Variants in SPAG16 observed in about 807,000 individuals in gnomAD.
The protein encoded by SPAG16 is sperm associated antigen 16.
A neutral mutation model predicts 80.4 loss-of-function variants in SPAG16; 86 were observed. The ratio of observed to expected loss-of-function variants is 1.07; its 90% CI spans 0.90 to 1.28. The LOEUF is 1.28. Among genes scored for constraint, SPAG16 ranks in the 50% most tolerant of loss-of-function variants. The pLI is 0.00. For synonymous variants in SPAG16, 294 were observed against 265.9 expected, an observed-to-expected ratio of 1.11 and a Z score of -1.03; for missense variants, 870 against 765.3, an observed-to-expected ratio of 1.14 and a Z score of -1.61.
chr2:214,062,715 C>T (rs186089459), intron 13 of SPAG16, among the ~76,000 whole-genome samples: 15 of 137,416 alleles, frequency 1.1e-4, no homozygotes, highest in East Asian at 6.1e-4. Context: ...AGTTTAATCT[C>T]GACATGGTAA....
At chr2:213,678,107 A>G (rs1415012898) in intron 10 of SPAG16, among the ~76,000 whole-genome samples, 3 of 152,158 alleles carry the variant, frequency 2.0e-5, no homozygotes, top group East Asian at 3.9e-4. Context: ...TCTCTGGGAC[A>G]CATTCAAAGC....
intron 15 of SPAG16, among the ~76,000 whole-genome samples, chr2:214,280,183 C>A (rs909157189): frequency 3.3e-5 from 5 of 152,020 alleles, no homozygotes; most frequent in African/African-American, 1.2e-4. Flanking sequence ...TGAAATCAGA[C>A]AATGTAATTC....
rs1479140859 is a variant in SPAG16 at position 213,402,761 on chromosome 2, A to C, written c.942+27642A>C. On this transcript the variant is annotated intron_variant, in intron 9 of 15. Transcript: ENST00000331683. ...TCCCTACAGAGGACATGAACTCATC[A>C]TTTTTTATGGCTGCATAGTATTCCA... is the stretch of plus-strand genomic sequence containing the variant. Among the ~76,000 whole-genome samples, 9 of 152,226 alleles carry C rather than the reference A, an allele frequency of 5.9e-5. No homozygotes were observed. In the South Asian group the frequency reaches 1.5e-3, roughly 25 times the overall value.
chr2:213,605,481 T>C (rs1280346443), intron 10 of SPAG16, among the ~76,000 whole-genome samples: 2 of 151,970 alleles, frequency 1.3e-5, no homozygotes, highest in South Asian at 4.1e-4. Context: ...CAAGACCCCA[T>C]CTTTACAAAA....
chr2:214,305,968 G>A (rs1256413668), intron 15 of SPAG16, among the ~76,000 whole-genome samples: 1 of 152,070 alleles, frequency 6.6e-6, no homozygotes, highest in Admixed American at 6.5e-5. Flanking sequence ...GCTTTGGGCA[G>A]TATGACCATT....
intron 10 of SPAG16, among the ~76,000 whole-genome samples, chr2:213,582,439 T>C (rs2060328082): frequency 6.6e-6 from 1 of 152,128 alleles, no homozygotes; most frequent in Admixed American, 6.6e-5. Flanking sequence ...GCTTTAGCCA[T>C]GAAACATGAG....
chr2:213,334,622 A>G (rs918438890), intron 5 of SPAG16, among the ~76,000 whole-genome samples: 1 of 152,218 alleles, frequency 6.6e-6, no homozygotes, highest in Admixed American at 6.5e-5. Flanking sequence ...GAACTGTTCA[A>G]CCGTAAAAAT....
chr2:214,146,919 G>A (rs1343168713), intron 14 of SPAG16, among the ~76,000 whole-genome samples: 4 of 151,470 alleles, frequency 2.6e-5, no homozygotes, highest in East Asian at 1.9e-4. Flanking sequence ...GGAGAATGGC[G>A]TTAACCCGGG....
chr2:214,171,486 A>G (rs896557694), intron 15 of SPAG16, among the ~76,000 whole-genome samples: 3 of 152,050 alleles, frequency 2.0e-5, no homozygotes, highest in Non-Finnish European at 2.9e-5. Context: ...CACAGAAAAC[A>G]TTTATTGAGG....
chr2:214,178,739 T>A (rs1297815302), intron 15 of SPAG16, among the ~76,000 whole-genome samples: 2 of 151,442 alleles, frequency 1.3e-5, no homozygotes, highest in Non-Finnish European at 3.0e-5. Flanking sequence ...TATTTCTAAT[T>A]TCTATTACCC....
At chr2:213,502,356 C>G (rs2074777980) in intron 10 of SPAG16, among the ~76,000 whole-genome samples, 1 of 152,136 alleles carries the variant, frequency 6.6e-6, no homozygotes, top group Admixed American at 6.6e-5. Flanking sequence ...TTCCTGGGCT[C>G]AAGCGATTCT....
At chr2:214,183,675 C>T (rs1165141845) in intron 15 of SPAG16, among the ~76,000 whole-genome samples, 1 of 152,014 alleles carries the variant, frequency 6.6e-6, no homozygotes, top group African/African-American at 2.4e-5. Flanking sequence ...TAGGTCAGCC[C>T]TATCACTCCT....
intron 15 of SPAG16, among the ~76,000 whole-genome samples, chr2:214,211,992 T>C (rs2058306908): frequency 6.6e-6 from 1 of 152,170 alleles, no homozygotes; most frequent in Non-Finnish European, 1.5e-5. Flanking sequence ...TATTTGGTCT[T>C]CCACTTCATT....
intron 14 of SPAG16, among the ~76,000 whole-genome samples, chr2:214,140,933 T>TGGGGGGGG (rs56893647): frequency 3.4e-5 from 2 of 59,256 alleles, no homozygotes; most frequent in Admixed American, 2.2e-4. Context: ...ATCCCATTGG[T>TGGGGGGGG]GGGGGGGGGG....
At chr2:213,390,437 A>G (rs761225512) in intron 9 of SPAG16, among the ~76,000 whole-genome samples, 2 of 152,212 alleles carry the variant, frequency 1.3e-5, no homozygotes, top group Non-Finnish European at 2.9e-5. Context: ...TTAAAGAAAG[A>G]TCATTTCCAT....
rs2074018966 is a variant in SPAG16 at position 213,835,385 on chromosome 2, A to C, written c.1071-27100A>C. On this transcript the variant is annotated intron_variant, in intron 10 of 15. Transcript: ENST00000331683. ...AATAAATGTTAAATCACAATCCCAC[A>C]CTGCGAGCTTGTCTCATAATTATTC... 2.6e-5 allele frequency among the ~76,000 whole-genome samples: 4 copies of C among 152,172 alleles called. No individual in the cohort carries two copies. The South Asian group carries it at 8.3e-4, about 32-fold the overall frequency.
chr2:213,629,589 A>G (rs1003850822), intron 10 of SPAG16, among the ~76,000 whole-genome samples: 5 of 152,214 alleles, frequency 3.3e-5, no homozygotes, highest in South Asian at 2.1e-4. Context: ...AGGAATGAGT[A>G]CAATTTGCAC....
At chr2:213,891,123 T>G (rs898155831) in intron 11 of SPAG16, among the ~76,000 whole-genome samples, 10 of 152,092 alleles carry the variant, frequency 6.6e-5, no homozygotes, top group Non-Finnish European at 1.2e-4. Flanking sequence ...GAATATACAT[T>G]AAAAAGCATA....
At chr2:214,201,329 A>G (rs1470989798) in intron 15 of SPAG16, among the ~76,000 whole-genome samples, 1 of 152,190 alleles carries the variant, frequency 6.6e-6, no homozygotes, top group South Asian at 2.1e-4. Flanking sequence ...ATTTACTTGT[A>G]ATAGGGGAAA....
Sources: gnomAD v4.1 joint callset for allele counts (sites outside exome capture counted in the v4.1 genomes callset) on GRCh38, gnomAD v4.1.1 for gene constraint, MANE v1.5 for transcripts, NCBI Gene and HGNC (gene_info 2026-07-23, HGNC 2026-07-21) for gene names.